The following MELTF variants were observed in gnomAD, a reference collection of about 807,000 sequenced individuals.
The protein encoded by MELTF is melanotransferrin, also known as antigen p97 (melanoma associated) identified by monoclonal antibodies 133.2 and 96.5.
In MELTF, 67 loss-of-function variants were observed where a neutral mutation model predicts 83.7. The observed-to-expected ratio is 0.80, with a 90% CI of 0.66 to 0.98. The LOEUF (loss-of-function observed/expected upper bound fraction) is 0.98, where lower values mean the gene tolerates loss of function less well. Ranked by LOEUF, MELTF falls within the 50% of genes least tolerant of loss-of-function variation. The pLI, the probability that MELTF is intolerant of heterozygous loss-of-function variation, is 0.00. For missense variants in MELTF, 1,002 were observed against 1,035.6 expected (o/e 0.97, Z 0.44); for synonymous variants, 462 against 447.6 (o/e 1.03, Z -0.41).
Position 197,007,325 on chromosome 3 carries a change from C to T in MELTF, c.1751-589G>A, listed in dbSNP as rs904320744. Among the ~76,000 whole-genome samples, 20 of 152,286 alleles carry T rather than the reference C, an allele frequency of 1.3e-4. No individual in the cohort carries two copies. Among genetic ancestry groups the T allele is most frequent in the South Asian group, 6.2e-4 (3 of 4,830 alleles). ...AGCATCCCACTGATTCTAAAGCAGG[C>T]GGTCTCGGGCTGCCTGAGAAAATGC... On this transcript the variant is annotated intron_variant, in intron 13 of 15. Transcript: ENST00000296350. This position sits in a 1 kb window ranked among gnomAD's most constrained non-coding sequence, Gnocchi z 4.3.
chr3:197,004,307 G>A (rs984012525), intron 14 of MELTF: 7 of 593,700 alleles, frequency 1.2e-5, no homozygotes, highest in Non-Finnish European at 2.1e-5. Flanking sequence ...GCCCGCAGGT[G>A]CCACTGGAAG....
At position 197,016,384 on chromosome 3, in the gene MELTF, G is replaced by A; in HGVS notation, c.901-15C>T. The A allele has an allele frequency of 6.4e-7, 1 of 1,565,832 alleles. No homozygotes were observed. Among genetic ancestry groups the A allele is most frequent in the Non-Finnish European group, 8.7e-7 (1 of 1,155,372 alleles). On this transcript the variant is annotated splice_polypyrimidine_tract_variant and intron_variant, in intron 7 of 15. Coordinates refer to ENST00000296350, the MANE Select transcript of MELTF (RefSeq NM_005929.6). ...CTGAACAGACGCTGTGTGTCAAGGG[G>A]TGTGGTACAGGGTGGTGAGGGTGCT...
rs763931912 is a variant in MELTF, at chr3:197,016,384, G to T, written c.901-15C>A. ...CTGAACAGACGCTGTGTGTCAAGGG[G>T]TGTGGTACAGGGTGGTGAGGGTGCT... On this transcript the variant is annotated splice_polypyrimidine_tract_variant and intron_variant, in intron 7 of 15. Transcript: ENST00000296350. 2.6e-6 allele frequency: 4 copies of T among 1,565,714 alleles called. No homozygotes were observed. In the African/African-American group the frequency reaches 5.5e-5, roughly 21 times the overall value.
intron 4 of MELTF, 103 bp from the exon 5 acceptor site, chr3:197,023,216 G>T: frequency 8.4e-7 from 1 of 1,189,406 alleles, no homozygotes; most frequent in Non-Finnish European, 1.2e-6. Flanking sequence ...GGACTCTGCT[G>T]AGAATGGTTC....
At position 197,024,210 on chromosome 3, in the gene MELTF, G is replaced by A; in HGVS notation, c.487+93C>T. 2 of 1,357,988 alleles carry A rather than the reference G, an allele frequency of 1.5e-6. No homozygotes were observed. The highest frequency in any genetic ancestry group is 1.4e-5 in the South Asian group (1 of 71,952). 84.1% of individuals were successfully genotyped at this position (1,357,988 alleles called of 1,614,324 possible). On this transcript the variant is annotated intron_variant, in intron 4 of 15. Transcript: ENST00000296350. This position sits in a 1 kb window ranked among gnomAD's most constrained non-coding sequence, Gnocchi z 5.3. ...TCCAGGAATGAAGAATGGTGGCGAG[G>A]CCGGAGGGAGGCTACCCAGTGAAGG... is the stretch of plus-strand genomic sequence containing the variant.
intron 4 of MELTF, chr3:197,023,724 G>GTTTTTTTTTTTTTTTTTTT: frequency 2.8e-6 from 1 of 357,782 alleles, no homozygotes; most frequent in Non-Finnish European, 5.6e-6. Context: ...CCTCTTCCTG[G>GTTTTTTTTTTTTTTTTTTT]TTTTTTTTTT....
At position 197,015,384 on chromosome 3, in the gene MELTF, T is replaced by C. The variant is rs1295283549; in HGVS notation, c.1214A>G (p.His405Arg). ...TCCCACCTGGATCCGCTCCATGCAG[T>C]GTTGGGGGGACTTGGCTGACACGCA... ...IQCVSAKSPQ[H>R]CMERIQAEQV... Residue 405 changes from histidine to arginine, a missense_variant, in exon 9 of 16, where the codon CAC becomes CGC. His to Arg is a conservative substitution (Grantham distance 29). Transcript: ENST00000296350. The C allele has an allele frequency of 3.8e-6, 6 of 1,571,410 alleles. No homozygotes were observed. Among genetic ancestry groups the C allele is most frequent in the African/African-American group, 1.4e-5 (1 of 73,780 alleles).
At chr3:197,018,865 G>T (rs949831902) in intron 6 of MELTF, 1 of 909,928 alleles carries the variant, frequency 1.1e-6, no homozygotes, top group African/African-American at 1.8e-5. Flanking sequence ...TTTCTCGATA[G>T]AAAAGAAAAT....
chr3:197,003,174 A>C lies in MELTF; in HGVS notation c.*198T>G. On this transcript the variant is annotated 3_prime_UTR_variant, in exon 16 of 16. Transcript: ENST00000296350. The surrounding 1 kb of genome is among the most constrained non-coding windows in gnomAD (Gnocchi z 6.2). ...GTGGCGGGAGGCGGCGGTTGGCGGG[A>C]AGGGCCGCGCGGGCCCGGGGGCGGC... 4.4e-6 allele frequency: 2 copies of C among 455,306 alleles called. No individual in the cohort carries two copies. The highest frequency in any genetic ancestry group is 6.3e-5 in the Admixed American group (1 of 15,828). The allele number at this position is 455,306 out of a possible 1,614,324, so 28.2% of individuals were successfully genotyped here.
Position 197,024,191 on chromosome 3 carries a change from A to T in MELTF, c.487+112T>A. On this transcript the variant is annotated intron_variant, in intron 4 of 15. Transcript: ENST00000296350. The surrounding 1 kb of genome is among the most constrained non-coding windows in gnomAD (Gnocchi z 5.3). ...GGCGGGGGCTGCTGCGCCTTCCAGG[A>T]ATGAAGAATGGTGGCGAGGCCGGAG... is the stretch of plus-strand genomic sequence containing the variant. 8.2e-7 allele frequency: 1 copy of T among 1,226,576 alleles called. No individual in the cohort carries two copies. The highest frequency in any genetic ancestry group is 1.1e-6 in the Non-Finnish European group (1 of 883,924). 76.0% of individuals were successfully genotyped at this position (1,226,576 alleles called of 1,614,324 possible).
chr3:197,003,829 C>A lies in MELTF; in HGVS notation c.2137+72G>T, dbSNP rs1718872477. 18 of 1,506,560 alleles carry A rather than the reference C, an allele frequency of 1.2e-5. No homozygotes were observed. The highest frequency in any genetic ancestry group is 1.5e-5 in the Non-Finnish European group (17 of 1,107,436). The allele number at this position is 1,506,560 out of a possible 1,614,324, so 93.3% of individuals were successfully genotyped here. On this transcript the variant is annotated intron_variant, in intron 15 of 15. Transcript: ENST00000296350. This position sits in a 1 kb window ranked among gnomAD's most constrained non-coding sequence, Gnocchi z 6.2. ...GCCTCCCCGGACCCGCAGCGCCCCC[C>A]GCTCCCTCAGGGTTCTGGGGTGAAG...
chr3:197,003,337 G>C lies in MELTF; in HGVS notation c.*35C>G, dbSNP rs1169676795. Reference sequence around the variant, plus strand: ...CGAAGCCGCCGCGGAAACTCCCCGGGCGGGCATCGGAGCTCTGGGGCGGGG... The same window carrying C: ...CGAAGCCGCCGCGGAAACTCCCCGGCCGGGCATCGGAGCTCTGGGGCGGGG... On this transcript the variant is annotated 3_prime_UTR_variant, in exon 16 of 16. Coordinates refer to ENST00000296350, the MANE Select transcript of MELTF (RefSeq NM_005929.6). The surrounding 1 kb of genome is among the most constrained non-coding windows in gnomAD (Gnocchi z 6.2). The C allele has an allele frequency of 4.7e-5, 50 of 1,064,408 alleles. No individual in the cohort carries two copies. The highest frequency in any genetic ancestry group is 5.3e-5 in the Non-Finnish European group (47 of 882,408). 65.9% of individuals were successfully genotyped at this position (1,064,408 alleles called of 1,614,324 possible).
intron 11 of MELTF, 92 bp from the exon 12 acceptor site, chr3:197,009,057 C>G (rs986514000): frequency 6.7e-6 from 10 of 1,483,880 alleles, no homozygotes; most frequent in Non-Finnish European, 9.2e-6. Flanking sequence ...TCTGCCCACC[C>G]CCCGGATCCT....
intron 9 of MELTF, among the ~76,000 whole-genome samples, chr3:197,013,193 G>C (rs900431432): frequency 4.6e-5 from 7 of 152,222 alleles, no homozygotes; most frequent in Non-Finnish European, 1.0e-4. Context: ...ATCCAGAATA[G>C]AGAACCCAGA....
chr3:197,024,159 C>A lies in MELTF; in HGVS notation c.487+144G>T. 1.8e-6 allele frequency: 1 copy of A among 565,440 alleles called. No individual in the cohort carries two copies. The highest frequency in any genetic ancestry group is 2.4e-6 in the Non-Finnish European group (1 of 423,558). The allele number at this position is 565,440 out of a possible 1,614,324, so 35.0% of individuals were successfully genotyped here. ...CGGCAGAGTGGAGGCGGGGGAGGCA[C>A]GGGGCGGGCGGGGGCTGCTGCGCCT... is the stretch of plus-strand genomic sequence containing the variant. On this transcript the variant is annotated intron_variant, in intron 4 of 15. Transcript: ENST00000296350. This position sits in a 1 kb window ranked among gnomAD's most constrained non-coding sequence, Gnocchi z 5.3.
chr3:197,012,114 T>A (rs970106181), intron 9 of MELTF, among the ~76,000 whole-genome samples: 2 of 152,188 alleles, frequency 1.3e-5, no homozygotes, highest in Admixed American at 6.5e-5. Flanking sequence ...CAGGCTTCTA[T>A]CGGGCCTGCG....
chr3:197,016,106 C>A, intron 8 of MELTF, 83 bp downstream of exon 8: 1 of 1,283,822 alleles, frequency 7.8e-7, no homozygotes. Context: ...AGCGTCTTCC[C>A]CCGGCCACTT....
Position 197,003,782 on chromosome 3 carries a change from T to A in MELTF, c.2137+119A>T. 1.9e-6 allele frequency: 2 copies of A among 1,032,098 alleles called. No homozygotes were observed. Among genetic ancestry groups the A allele is most frequent in the Non-Finnish European group, 2.8e-6 (2 of 724,088 alleles). The allele number at this position is 1,032,098 out of a possible 1,614,324, so 63.9% of individuals were successfully genotyped here. ...TCCTCCCGGGACACCCCACCTGGAC[T>A]GCTGCGAACGGGCCTCCACCCGCCT... On this transcript the variant is annotated intron_variant, in intron 15 of 15. Coordinates refer to ENST00000296350, the MANE Select transcript of MELTF (RefSeq NM_005929.6). The surrounding 1 kb of genome is among the most constrained non-coding windows in gnomAD (Gnocchi z 6.2).
intron 11 of MELTF, 113 bp from the exon 12 acceptor site, chr3:197,009,078 G>A (rs1047952265): frequency 1.6e-6 from 2 of 1,257,574 alleles, no homozygotes; most frequent in Admixed American, 1.9e-5. Flanking sequence ...ACACTGCAAG[G>A]CCACCTGTCT....
Sources: gnomAD v4.1 joint callset for allele counts (sites outside exome capture counted in the v4.1 genomes callset) on GRCh38, gnomAD v4.1.1 for gene constraint, Gnocchi (gnomAD v3.1) non-coding constraint, MANE v1.5 for transcripts, NCBI Gene and HGNC (gene_info 2026-07-23, HGNC 2026-07-21) for gene names.